AGMO: variants seen among roughly 807,000 people sequenced by gnomAD.
AGMO encodes glyceryl-ether monooxygenase.
A neutral mutation model predicts 60.2 loss-of-function variants in AGMO; 75 were observed. The observed-to-expected ratio is 1.25, with a 90% CI of 1.03 to 1.51. The LOEUF (loss-of-function observed/expected upper bound fraction) is 1.51, where lower values mean the gene tolerates loss of function less well. Among genes scored for constraint, AGMO ranks in the 40% most tolerant of loss-of-function variants. AGMO has a pLI of 0.00. For missense variants in AGMO, 763 were observed against 525.5 expected (o/e 1.45, Z -4.42); for synonymous variants, 261 against 177.1 (o/e 1.47, Z -3.76).
At chr7:15,227,620 A>T (rs1032588424) in intron 12 of AGMO, among the ~76,000 whole-genome samples, 4 of 152,044 alleles carry the variant, frequency 2.6e-5, no homozygotes, top group African/African-American at 4.8e-5. Flanking sequence ...TCTGCACAAA[A>T]TAAGGATGCT....
chr7:15,450,996 T>C (rs1009428746), intron 3 of AGMO, among the ~76,000 whole-genome samples: 1 of 152,204 alleles, frequency 6.6e-6, no homozygotes, highest in Admixed American at 6.5e-5. Flanking sequence ...AATAACATTG[T>C]TTTATATCTG....
intron 12 of AGMO, among the ~76,000 whole-genome samples, chr7:15,267,971 T>C (rs80225420): frequency 0.022 from 3,382 of 152,048 alleles, 123 homozygotes; most frequent in African/African-American, 0.078. Context: ...AATTTCTTTG[T>C]TATCCATCTC....
At chr7:15,353,991 G>T (rs1583444987) in intron 12 of AGMO, among the ~76,000 whole-genome samples, 1 of 152,092 alleles carries the variant, frequency 6.6e-6, no homozygotes, top group East Asian at 1.9e-4. Context: ...TCATGTGATA[G>T]TTTGCAATTT....
intron 10 of AGMO, among the ~76,000 whole-genome samples, chr7:15,378,509 T>G (rs905296753): frequency 4.6e-5 from 7 of 152,038 alleles, no homozygotes; most frequent in African/African-American, 1.7e-4. Flanking sequence ...ATCCTAAATA[T>G]GTATGCACCC....
chr7:15,409,005 A>G (rs1351232309), intron 5 of AGMO, among the ~76,000 whole-genome samples: 3 of 151,782 alleles, frequency 2.0e-5, no homozygotes, highest in East Asian at 1.9e-4. Context: ...TATTAGATGA[A>G]TTTGAGAAAT....
chr7:15,214,244 G>A (rs1427373610), intron 12 of AGMO, among the ~76,000 whole-genome samples: 3 of 151,924 alleles, frequency 2.0e-5, no homozygotes, highest in African/African-American at 7.2e-5. Context: ...GGGACACTAC[G>A]AATTTTCAGA....
At chr7:15,246,648 G>A (rs1164268294) in intron 12 of AGMO, among the ~76,000 whole-genome samples, 2 of 152,052 alleles carry the variant, frequency 1.3e-5, no homozygotes, top group East Asian at 3.9e-4. Context: ...CTCCTGTACT[G>A]AAGACCCAAT....
At chr7:15,264,441 G>C (rs897816888) in intron 12 of AGMO, among the ~76,000 whole-genome samples, 1 of 151,866 alleles carries the variant, frequency 6.6e-6, no homozygotes, top group Non-Finnish European at 1.5e-5. Context: ...TCATCATTAA[G>C]TCTTTTCTAT....
the AGMO span, among the ~76,000 whole-genome samples, chr7:15,139,755 T>A: frequency 6.7e-6 from 1 of 149,544 alleles, no homozygotes; most frequent in East Asian, 2.0e-4. Flanking sequence ...TTCTTTCCAA[T>A]ATATTCCTTT....
chr7:15,209,996 C>A (rs2115475447), intron 12 of AGMO, among the ~76,000 whole-genome samples: 1 of 152,132 alleles, frequency 6.6e-6, no homozygotes, highest in East Asian at 1.9e-4. Flanking sequence ...GTATCAACAC[C>A]TCACATCTCT....
intron 5 of AGMO, 24 bp from the exon 6 acceptor site, chr7:15,394,203 T>A: frequency 6.7e-7 from 1 of 1,488,748 alleles, no homozygotes; most frequent in Non-Finnish European, 9.4e-7. Flanking sequence ...AAGGAATATT[T>A]ATACATGTAG....
rs1221170677 is a variant in AGMO at position 15,200,361 on chromosome 7, C to T, written c.*924G>A. The stretch of plus-strand genomic sequence containing the variant: ...TAGAGAATTAACATTGTTCTGATAA[C>T]TTTAAATAATGCAGAATTGCTGCAT... On this transcript the variant is annotated 3_prime_UTR_variant, in exon 13 of 13. Coordinates refer to ENST00000342526, the MANE Select transcript of AGMO (RefSeq NM_001004320.2). 2 of 152,164 alleles carry T rather than the reference C, an allele frequency of 1.3e-5. No homozygotes were observed. The highest frequency in any genetic ancestry group is 4.8e-5 in the African/African-American group (2 of 41,436). The allele number at this position is 152,164 out of a possible 1,614,324, so 9.4% of individuals were successfully genotyped here. A position where few individuals can be genotyped will look rare whatever the true frequency, so the allele number is the denominator to read the frequency against.
intron 12 of AGMO, among the ~76,000 whole-genome samples, chr7:15,265,020 T>C (rs2128510926): frequency 6.6e-6 from 1 of 152,110 alleles, no homozygotes. Context: ...AGCAAAGACA[T>C]GGAATAAACC....
At chr7:15,486,446 G>A (rs1389552670) in intron 3 of AGMO, among the ~76,000 whole-genome samples, 3 of 152,188 alleles carry the variant, frequency 2.0e-5, no homozygotes, top group Non-Finnish European at 4.4e-5. Context: ...GATTTTGTTT[G>A]AGGGAGCAAA....
intron 12 of AGMO, among the ~76,000 whole-genome samples, chr7:15,285,463 T>C (rs1784075666): frequency 6.6e-6 from 1 of 151,996 alleles, no homozygotes; most frequent in African/African-American, 2.4e-5. Flanking sequence ...AAGAACCCAA[T>C]TCCTTTTACA....
At chr7:15,129,626 A>G in the AGMO span, among the ~76,000 whole-genome samples, 7 of 152,232 alleles carry the variant, frequency 4.6e-5, no homozygotes, top group East Asian at 9.7e-4. Flanking sequence ...GAATACAAAC[A>G]AAGTATTAGT....
At chr7:15,152,511 T>A in the AGMO span, among the ~76,000 whole-genome samples, 1 of 152,136 alleles carries the variant, frequency 6.6e-6, no homozygotes, top group Non-Finnish European at 1.5e-5. Flanking sequence ...CCCTTTCACC[T>A]GACTTTCCAA....
chr7:15,395,493 G>A (rs1221469139), intron 5 of AGMO, among the ~76,000 whole-genome samples: 2 of 151,998 alleles, frequency 1.3e-5, no homozygotes, highest in South Asian at 2.1e-4. Context: ...ATTTTCATTG[G>A]GAGTTATAAT....
chr7:15,365,380 T>TAAAAAACAAAAAAAAAAAA (rs1782931681), intron 12 of AGMO, 134 bp downstream of exon 12: 1 of 210,466 alleles, frequency 4.8e-6, no homozygotes, highest in African/African-American at 5.9e-5. Flanking sequence ...TACTGGTAAG[T>TAAAAAACAAAAAAAAAAAA]AAAAAAAAAA....
Sources: gnomAD v4.1 joint callset for allele counts (sites outside exome capture counted in the v4.1 genomes callset) on GRCh38, gnomAD v4.1.1 for gene constraint, MANE v1.5 for transcripts, NCBI Gene and HGNC (gene_info 2026-07-23, HGNC 2026-07-21) for gene names.